Variants in NCAM2 observed in about 807,000 individuals in gnomAD.
The protein encoded by NCAM2 is N-CAM-2.
NCAM2 carries 30 observed loss-of-function variants against 98.1 expected under a neutral mutation model. The ratio of observed to expected loss-of-function variants is 0.31; its 90% CI spans 0.23 to 0.41. The LOEUF (loss-of-function observed/expected upper bound fraction) is 0.41, where lower values mean the gene tolerates loss of function less well. Ranked by LOEUF, NCAM2 falls within the 10% of genes least tolerant of loss-of-function variation. The probability of loss-of-function intolerance (pLI) is 1.00; values close to 1 mark genes in which losing one functional copy is unlikely to be tolerated. For missense variants in NCAM2, 867 were observed against 1,005.8 expected, an observed-to-expected ratio of 0.86 and a Z score of 1.87; for synonymous variants, 368 against 342.4, an observed-to-expected ratio of 1.07 and a Z score of -0.83.
chr21:21,255,726 C>T (rs1264944230), intron 1 of NCAM2, among the ~76,000 whole-genome samples: 1 of 152,154 alleles, frequency 6.6e-6, no homozygotes, highest in Non-Finnish European at 1.5e-5. Context: ...CTAAGTTCCT[C>T]TAAATATTTG....
intron 1 of NCAM2, among the ~76,000 whole-genome samples, chr21:21,258,229 C>CT (rs2071751901): frequency 6.6e-6 from 1 of 152,090 alleles, no homozygotes; most frequent in Non-Finnish European, 1.5e-5. Context: ...ACTGGTAATA[C>CT]TTTTTTCACA....
At chr21:21,293,487 G>A (rs8130404) in intron 5 of NCAM2, among the ~76,000 whole-genome samples, 20,766 of 151,578 alleles carry the variant, frequency 0.14, 2,376 homozygotes, top group East Asian at 0.5. Context: ...GCCATTAGAT[G>A]TCAGTCATAG....
At chr21:21,261,944 A>C (rs533343522) in intron 1 of NCAM2, among the ~76,000 whole-genome samples, 2 of 152,166 alleles carry the variant, frequency 1.3e-5, no homozygotes, top group African/African-American at 4.8e-5. Context: ...AAGGTTAAAC[A>C]AAGGTGATAG....
intron 1 of NCAM2, among the ~76,000 whole-genome samples, chr21:21,230,831 A>G (rs1265485320): frequency 6.6e-6 from 1 of 151,342 alleles, no homozygotes; most frequent in Non-Finnish European, 1.5e-5. Context: ...GTCTTGGTTC[A>G]TTAACAACAC....
At chr21:21,403,336 T>C (rs232450) in intron 9 of NCAM2, among the ~76,000 whole-genome samples, 18,593 of 152,112 alleles carry the variant, frequency 0.12, 1,654 homozygotes, top group African/African-American at 0.25. Context: ...ATCTGCCTCA[T>C]CCACTAGAAT....
intron 8 of NCAM2, among the ~76,000 whole-genome samples, chr21:21,364,891 TGA>T (rs2075746974): frequency 6.6e-6 from 1 of 152,032 alleles, no homozygotes; most frequent in African/African-American, 2.4e-5. Context: ...ATTTGCACAA[TGA>T]ACTTAAAAAT....
chr21:21,394,164 G>A (rs1198085539), intron 9 of NCAM2, among the ~76,000 whole-genome samples: 3 of 152,232 alleles, frequency 2.0e-5, no homozygotes, highest in South Asian at 2.1e-4. Flanking sequence ...ATGGTTAACT[G>A]GAAATAAGCA....
chr21:21,244,796 G>T (rs371684880), intron 1 of NCAM2, among the ~76,000 whole-genome samples: 3 of 140,938 alleles, frequency 2.1e-5, no homozygotes, highest in Non-Finnish European at 3.0e-5. Context: ...GCAGTGAGCC[G>T]AGATCGCGCC....
intron 10 of NCAM2, among the ~76,000 whole-genome samples, chr21:21,412,649 T>C (rs977844630): frequency 5.3e-5 from 8 of 152,178 alleles, no homozygotes; most frequent in African/African-American, 1.9e-4. Context: ...AAACCCACAA[T>C]TTTTGCCTAC....
At chr21:21,415,480 C>T (rs1008069596) in intron 10 of NCAM2, among the ~76,000 whole-genome samples, 6 of 151,626 alleles carry the variant, frequency 4.0e-5, no homozygotes, top group Non-Finnish European at 7.4e-5. Flanking sequence ...GGACTACAGG[C>T]GCCGGCCACC....
In NCAM2 at chr21:21,186,678, T is replaced by G. The variant is rs565814774; in HGVS notation, c.56-93900T>G. ...TATTTGGACATAAACATGATTTATC[T>G]GAGTAGATCCTATGCTTGTAATTTT... On this transcript the variant is annotated intron_variant, in intron 1 of 17. Coordinates refer to ENST00000400546, the MANE Select transcript of NCAM2 (RefSeq NM_004540.5). Among the ~76,000 whole-genome samples the G allele has an allele frequency of 2.8e-4, 43 of 152,334 alleles. No homozygotes were observed. The South Asian group carries it at 7.5e-3, about 26-fold the overall frequency.
rs1227041401 is a variant in NCAM2 at position 21,150,588 on chromosome 21, T to G, written c.56-129990T>G. Among the ~76,000 whole-genome samples, 4 of 152,128 alleles carry G rather than the reference T, an allele frequency of 2.6e-5. No homozygotes were observed. The East Asian group carries it at 5.8e-4, about 22-fold the overall frequency. On this transcript the variant is annotated intron_variant, in intron 1 of 17. Coordinates refer to ENST00000400546, the MANE Select transcript of NCAM2 (RefSeq NM_004540.5). ...CAGATTTTGGAGGCATCTATCTTTA[T>G]GATCATATGGTTTTTATCTTTTATT...
At chr21:21,346,744 A>C (rs1252648367) in intron 8 of NCAM2, among the ~76,000 whole-genome samples, 2 of 152,114 alleles carry the variant, frequency 1.3e-5, no homozygotes, top group African/African-American at 4.8e-5. Context: ...ATAAAAATAC[A>C]TGGAAATTAA....
chr21:21,220,985 A>C (rs996476747), intron 1 of NCAM2, among the ~76,000 whole-genome samples: 1 of 152,108 alleles, frequency 6.6e-6, no homozygotes, highest in Non-Finnish European at 1.5e-5. Flanking sequence ...TTTTTCCAGG[A>C]GCGTGTACTC....
intron 5 of NCAM2, among the ~76,000 whole-genome samples, chr21:21,308,070 T>TACACACACAC (rs71195319): frequency 2.6e-5 from 4 of 150,970 alleles, no homozygotes; most frequent in Admixed American, 6.6e-5. Flanking sequence ...CATACACACA[T>TACACACACAC]ACACACACAC....
intron 16 of NCAM2, among the ~76,000 whole-genome samples, chr21:21,526,223 A>G (rs766128749): frequency 1.4e-4 from 22 of 152,084 alleles, no homozygotes; most frequent in Non-Finnish European, 1.6e-4. Context: ...ATAGTCTATG[A>G]AAAAAGTCTG....
At chr21:21,078,865 C>T (rs112173555) in intron 1 of NCAM2, among the ~76,000 whole-genome samples, 5,648 of 152,092 alleles carry the variant, frequency 0.037, 325 homozygotes, top group African/African-American at 0.13. Flanking sequence ...ATAAAACAGA[C>T]GGAGATCATG....
At chr21:21,526,180 G>T (rs761442476) in intron 16 of NCAM2, among the ~76,000 whole-genome samples, 104 of 152,080 alleles carry the variant, frequency 6.8e-4, no homozygotes, top group Middle Eastern at 3.4e-3. Context: ...TGGGAAGGAA[G>T]AAATAAAACT....
At chr21:21,536,643 GC>G (rs751735174) in intron 17 of NCAM2, among the ~76,000 whole-genome samples, 29 of 152,174 alleles carry the variant, frequency 1.9e-4, no homozygotes, top group Non-Finnish European at 4.0e-4. Flanking sequence ...GCCCGCCTTG[GC>G]CTCCCAAAGT....
Sources: gnomAD v4.1 joint callset for allele counts (sites outside exome capture counted in the v4.1 genomes callset) on GRCh38, gnomAD v4.1.1 for gene constraint, MANE v1.5 for transcripts, NCBI Gene and HGNC (gene_info 2026-07-23, HGNC 2026-07-21) for gene names.